The following RGS6 variants were observed in gnomAD, a reference collection of about 807,000 sequenced individuals.
RGS6 encodes the protein regulator of G protein signaling 6.
A neutral mutation model predicts 78.5 loss-of-function variants in RGS6; 30 were observed. The observed-to-expected ratio is 0.38, with a 90% CI of 0.29 to 0.52. RGS6 has a LOEUF of 0.52. Among genes scored for constraint, RGS6 ranks in the 20% least tolerant of loss-of-function variants. The pLI is 0.85. For synonymous variants in RGS6, 206 were observed against 206.0 expected, an observed-to-expected ratio of 1.00 and a Z score of 0.00; for missense variants, 495 against 609.7, an observed-to-expected ratio of 0.81 and a Z score of 1.98.
chr14:72,378,113 G>T (rs1453930785), intron 3 of RGS6, among the ~76,000 whole-genome samples: 1 of 152,172 alleles, frequency 6.6e-6, no homozygotes, highest in African/African-American at 2.4e-5. Context: ...AGTGACCAGT[G>T]AGTGAAGGAA....
intron 2 of RGS6, among the ~76,000 whole-genome samples, chr14:72,214,076 T>C (rs1459386762): frequency 1.3e-4 from 2 of 15,814 alleles, no homozygotes; most frequent in South Asian, 4.4e-3. Context: ...GCAGCTACTT[T>C]TGTTTTATGC....
At position 72,458,285 on chromosome 14, in the gene RGS6, T is replaced by C. The variant is rs897303061; in HGVS notation, c.250T>C (p.Leu84=). ...SIEDPVEAIH[L]GSLIAAQGYI... is the part of the protein sequence containing the mutation. ...TGTTCTTACAGTTGAAGCAATACAC[T>C]TGGGGAGCCTTATCGCTGCCCAGGG... The change falls in exon 5 of 18, where the codon TTG becomes CTG. Residue 84 remains leucine (L), a synonymous_variant. Coordinates refer to ENST00000553525, the MANE Select transcript of RGS6 (RefSeq NM_001204424.2). 3 of 1,613,612 alleles carry C rather than the reference T, an allele frequency of 1.9e-6. No individual in the cohort carries two copies. The highest frequency in any genetic ancestry group is 1.7e-5 in the Admixed American group (1 of 60,014).
At chr14:72,585,288 T>C in the RGS6 span, among the ~76,000 whole-genome samples, 17 of 152,182 alleles carry the variant, frequency 1.1e-4, no homozygotes, top group African/African-American at 3.4e-4. Flanking sequence ...CACAAATCAG[T>C]GAATGACAAC....
At chr14:72,329,826 G>A (rs2074598839) in intron 2 of RGS6, among the ~76,000 whole-genome samples, 1 of 152,136 alleles carries the variant, frequency 6.6e-6, no homozygotes, top group Non-Finnish European at 1.5e-5. Context: ...AGGGACATGT[G>A]CAACTGTCTC....
At chr14:72,012,160 A>G (rs1047240199) in intron 2 of RGS6, among the ~76,000 whole-genome samples, 8 of 152,184 alleles carry the variant, frequency 5.3e-5, no homozygotes, top group African/African-American at 1.7e-4. Flanking sequence ...GGCACTTCTC[A>G]TTTAATTGCT....
At chr14:71,974,023 T>C (rs1271127206) in intron 2 of RGS6, among the ~76,000 whole-genome samples, 2 of 152,178 alleles carry the variant, frequency 1.3e-5, no homozygotes. Flanking sequence ...CTTTGGTGTG[T>C]TTACGTCTTC....
At chr14:72,105,656 C>T (rs963027682) in intron 2 of RGS6, among the ~76,000 whole-genome samples, 5 of 152,180 alleles carry the variant, frequency 3.3e-5, no homozygotes, top group African/African-American at 1.2e-4. Context: ...ACATAAACCA[C>T]ATTTTTATTG....
intron 2 of RGS6, among the ~76,000 whole-genome samples, chr14:72,131,641 T>A (rs558904435): frequency 4.2e-4 from 64 of 152,324 alleles, no homozygotes; most frequent in African/African-American, 1.4e-3. Flanking sequence ...AACAACCAAC[T>A]AACTGTGCCT....
At chr14:72,607,083 C>T in the RGS6 span, among the ~76,000 whole-genome samples, 1 of 152,178 alleles carries the variant, frequency 6.6e-6, no homozygotes, top group Non-Finnish European at 1.5e-5. Flanking sequence ...TCCTCCATCC[C>T]TCTGACTCAG....
intron 12 of RGS6, 25 bp downstream of exon 12, chr14:72,478,354 C>T: frequency 6.9e-7 from 1 of 1,450,738 alleles, no homozygotes; most frequent in African/African-American, 1.4e-5. Flanking sequence ...AATAATATTA[C>T]TACTTTCTTC....
At chr14:72,438,697 T>G (rs943502020) in intron 3 of RGS6, among the ~76,000 whole-genome samples, 3 of 152,168 alleles carry the variant, frequency 2.0e-5, no homozygotes, top group Non-Finnish European at 4.4e-5. Context: ...GCCTTCCATT[T>G]CTCTAACCCA....
chr14:72,457,542 G>A (rs892563180), intron 4 of RGS6, among the ~76,000 whole-genome samples: 11 of 151,958 alleles, frequency 7.2e-5, no homozygotes, highest in Non-Finnish European at 1.5e-4. Flanking sequence ...CAAGCAATCC[G>A]CCTGCCTCTG....
chr14:72,174,429 T>G (rs1364282757), intron 2 of RGS6, among the ~76,000 whole-genome samples: 1 of 152,208 alleles, frequency 6.6e-6, no homozygotes, highest in Non-Finnish European at 1.5e-5. Context: ...AAGGCAGCTC[T>G]TGGGAGGTGG....
intron 2 of RGS6, among the ~76,000 whole-genome samples, chr14:72,245,426 A>T (rs545462291): frequency 2.6e-5 from 4 of 152,222 alleles, no homozygotes; most frequent in African/African-American, 7.2e-5. Context: ...CATTATTTCT[A>T]TAGATGTTAA....
At chr14:72,193,453 T>C (rs1247770345) in intron 2 of RGS6, among the ~76,000 whole-genome samples, 3 of 152,204 alleles carry the variant, frequency 2.0e-5, no homozygotes, top group Admixed American at 6.5e-5. Flanking sequence ...GGAATCGGCT[T>C]CCATTCATTC....
chr14:72,392,329 G>A (rs1390660420), intron 3 of RGS6, among the ~76,000 whole-genome samples: 5 of 152,262 alleles, frequency 3.3e-5, no homozygotes, highest in African/African-American at 1.2e-4. Context: ...GGTCAGCAGA[G>A]GAAGATGGAT....
rs117672072 is a variant in RGS6, at chr14:72,496,379, G to A, written c.965+1117G>A. On this transcript the variant is annotated intron_variant, in intron 13 of 17. Transcript: ENST00000553525. ...AAGATGGTTCAGTTTCAACATTAGA[G>A]CACGTTACATCCCTTATGATGATAC... Among the ~76,000 whole-genome samples the A allele has an allele frequency of 3.3e-5, 5 of 152,332 alleles. No individual in the cohort carries two copies. In the East Asian group the frequency reaches 9.7e-4, roughly 29 times the overall value.
intron 2 of RGS6, among the ~76,000 whole-genome samples, chr14:72,018,677 C>G (rs897244138): frequency 6.6e-6 from 1 of 152,188 alleles, no homozygotes; most frequent in Non-Finnish European, 1.5e-5. Context: ...AGGGCAGCAG[C>G]CTTCTACCTC....
At chr14:72,143,738 T>G (rs1567301837) in intron 2 of RGS6, among the ~76,000 whole-genome samples, 1 of 152,206 alleles carries the variant, frequency 6.6e-6, no homozygotes, top group Non-Finnish European at 1.5e-5. Context: ...TCCAACATTT[T>G]CAAACATTTT....
Sources: allele counts gnomAD v4.1 joint callset (sites outside exome capture counted in the v4.1 genomes callset), GRCh38; gene constraint gnomAD v4.1.1; transcripts MANE v1.5; gene names NCBI Gene and HGNC (gene_info 2026-07-23, HGNC 2026-07-21).